The following ZC3H3 variants were observed in gnomAD, a reference collection of about 807,000 sequenced individuals.
The protein encoded by ZC3H3 is zinc finger CCCH domain-containing protein 3.
Under a neutral mutation model 77.3 loss-of-function variants are expected in ZC3H3, and 36 were observed. That is an observed-to-expected ratio of 0.47 (90% confidence interval 0.36 to 0.61). ZC3H3 has a LOEUF of 0.61. ZC3H3 is among the 20% of genes least tolerant of loss of function. The pLI is 0.00. For synonymous variants in ZC3H3, 626 were observed against 555.2 expected, an observed-to-expected ratio of 1.13 and a Z score of -1.79; for missense variants, 1,331 against 1,312.2, an observed-to-expected ratio of 1.01 and a Z score of -0.22.
chr8:143,482,383 G>C (rs1356152839), intron 4 of ZC3H3, among the ~76,000 whole-genome samples: 1 of 152,186 alleles, frequency 6.6e-6, no homozygotes, highest in South Asian at 2.1e-4. Flanking sequence ...CGGATGTGCC[G>C]GGCACGCAGG....
intron 9 of ZC3H3, among the ~76,000 whole-genome samples, chr8:143,457,002 T>C (rs1004804366): frequency 6.6e-6 from 1 of 152,212 alleles, no homozygotes; most frequent in Non-Finnish European, 1.5e-5. Context: ...TCCACAATTA[T>C]AGTTAGAGAC....
chr8:143,480,542 C>CA (rs1173179192), intron 4 of ZC3H3, among the ~76,000 whole-genome samples: 1 of 152,254 alleles, frequency 6.6e-6, no homozygotes, highest in Non-Finnish European at 1.5e-5. Context: ...AGTGGCCTCG[C>CA]AGTCAGGGCA....
intron 5 of ZC3H3, among the ~76,000 whole-genome samples, chr8:143,473,051 G>A (rs944149093): frequency 5.0e-4 from 76 of 152,234 alleles, no homozygotes; most frequent in Non-Finnish European, 1.3e-4. Flanking sequence ...CTGGCCGCCT[G>A]GGGCTCTCGC....
chr8:143,451,672 T>G (rs1050499027), intron 9 of ZC3H3, among the ~76,000 whole-genome samples: 1 of 151,132 alleles, frequency 6.6e-6, no homozygotes, highest in Non-Finnish European at 1.5e-5. Context: ...TAATCCCAGC[T>G]ACTTGGGAGG....
chr8:143,502,851 G>A (rs1238910377), intron 4 of ZC3H3, among the ~76,000 whole-genome samples: 2 of 152,130 alleles, frequency 1.3e-5, no homozygotes, highest in Non-Finnish European at 2.9e-5. Context: ...CTTCTGCCTC[G>A]CACCCCTGCA....
chr8:143,517,064 G>A (rs776608366), intron 3 of ZC3H3, among the ~76,000 whole-genome samples: 19 of 152,146 alleles, frequency 1.2e-4, no homozygotes, highest in Non-Finnish European at 2.5e-4. Context: ...CCGCTGCCGC[G>A]GACTGTCAGA....
At position 143,460,316 on chromosome 8, in the gene ZC3H3, A is replaced by G. The variant is rs1820229086; in HGVS notation, c.2307+5401T>C. On this transcript the variant is annotated intron_variant, in intron 9 of 11. Transcript: ENST00000262577. This position sits in a 1 kb window ranked among gnomAD's most constrained non-coding sequence, Gnocchi z 4.0. Reference sequence around the variant, plus strand: ...AAAGGCATCCCAATTGAAAAGGAAGAAGTAAAATTATCTGTTTGCTGATGA... The same window carrying G: ...AAAGGCATCCCAATTGAAAAGGAAGGAGTAAAATTATCTGTTTGCTGATGA... Among the ~76,000 whole-genome samples the G allele has an allele frequency of 6.6e-6, 1 of 152,068 alleles. No homozygotes were observed. The highest frequency in any genetic ancestry group is 1.5e-5 in the Non-Finnish European group (1 of 68,012).
At chr8:143,507,145 C>T (rs1464826015) in intron 4 of ZC3H3, among the ~76,000 whole-genome samples, 1 of 152,236 alleles carries the variant, frequency 6.6e-6, no homozygotes, top group East Asian at 1.9e-4. Flanking sequence ...GGCTGAGCAA[C>T]CTTGACTGAG....
In ZC3H3 at chr8:143,534,000, T is replaced by A. The variant is rs911457232; in HGVS notation, c.1561+2257A>T. Among the ~76,000 whole-genome samples, 7 of 151,838 alleles carry A rather than the reference T, an allele frequency of 4.6e-5. No individual in the cohort carries two copies. Among genetic ancestry groups the A allele is most frequent in the African/African-American group, 1.7e-4 (7 of 41,360 alleles). On this transcript the variant is annotated intron_variant, in intron 3 of 11. Coordinates refer to ENST00000262577, the MANE Select transcript of ZC3H3 (RefSeq NM_015117.3). The surrounding 1 kb of genome is among the most constrained non-coding windows in gnomAD (Gnocchi z 4.0). Reference sequence around the variant, plus strand: ...CTCACGTTGGTCTTTAACTATGAGTTTGGCTGGGCACAGTGGCTCACACCT... The same window carrying A: ...CTCACGTTGGTCTTTAACTATGAGTATGGCTGGGCACAGTGGCTCACACCT...
chr8:143,475,614 C>T (rs1362611644), intron 4 of ZC3H3, 29 bp from the exon 5 acceptor site: 1 of 1,551,904 alleles, frequency 6.4e-7, no homozygotes, highest in African/African-American at 1.4e-5. Flanking sequence ...CCCGTCAAAC[C>T]TGGCCCCAGG....
At chr8:143,465,650 C>T in intron 9 of ZC3H3, 67 bp downstream of exon 9, 2 of 1,594,680 alleles carry the variant, frequency 1.3e-6, no homozygotes, top group South Asian at 1.1e-5. Context: ...GGCAGGTACC[C>T]AGGAGTGAGC....
intron 11 of ZC3H3, among the ~76,000 whole-genome samples, chr8:143,439,371 G>C (rs1257966238): frequency 6.6e-6 from 1 of 152,220 alleles, no homozygotes; most frequent in African/African-American, 2.4e-5. Context: ...ACAATAAAAT[G>C]ATAGCCGTAT....
chr8:143,476,722 C>T (rs1242119261), intron 4 of ZC3H3, among the ~76,000 whole-genome samples: 1 of 152,274 alleles, frequency 6.6e-6, no homozygotes, highest in Admixed American at 6.5e-5. Context: ...AGCAAAGGGA[C>T]CAGTCAAGTG....
At chr8:143,523,633 G>A in intron 3 of ZC3H3, 2 of 765,380 alleles carry the variant, frequency 2.6e-6, no homozygotes, top group Non-Finnish European at 3.2e-6. Context: ...CATCCAGCTT[G>A]GGCAGGCAGA....
chr8:143,440,915 C>T, intron 10 of ZC3H3, 21 bp downstream of exon 10: 1 of 1,408,938 alleles, frequency 7.1e-7, no homozygotes, highest in South Asian at 1.7e-5. Flanking sequence ...CTCACATGCA[C>T]AGTGCCCACT....
chr8:143,476,281 G>A (rs375459046), intron 4 of ZC3H3, among the ~76,000 whole-genome samples: 69 of 152,286 alleles, frequency 4.5e-4, no homozygotes, highest in African/African-American at 1.6e-3. Flanking sequence ...CACAGACCCC[G>A]GGCCAGGCTG....
chr8:143,437,865 G>T lies in ZC3H3; in HGVS notation c.*191C>A. The T allele has an allele frequency of 1.3e-6, 1 of 746,800 alleles. No individual in the cohort carries two copies. Among genetic ancestry groups the T allele is most frequent in the Non-Finnish European group, 2.2e-6 (1 of 459,326 alleles). 46.3% of individuals were successfully genotyped at this position (746,800 alleles called of 1,614,324 possible). A position where few individuals can be genotyped will look rare whatever the true frequency, so the allele number is the denominator to read the frequency against. ...GTGGGGACAGGGGCCTGGCTTGGGG[G>T]AGGAAGACCAGGCCCTGCGCACACG... On this transcript the variant is annotated 3_prime_UTR_variant, in exon 12 of 12. Coordinates refer to ENST00000262577, the MANE Select transcript of ZC3H3 (RefSeq NM_015117.3).
intron 9 of ZC3H3, among the ~76,000 whole-genome samples, chr8:143,443,087 A>C (rs186701257): frequency 2.2e-3 from 334 of 152,228 alleles, no homozygotes; most frequent in Admixed American, 4.3e-3. Context: ...GGCCTGACCA[A>C]CATGGTGAAA....
Position 143,533,398 on chromosome 8 carries a change from C to A in ZC3H3, c.1561+2859G>T, listed in dbSNP as rs1244704789. 6.6e-6 allele frequency among the ~76,000 whole-genome samples: 1 copy of A among 152,182 alleles called. No individual in the cohort carries two copies. Among genetic ancestry groups the A allele is most frequent in the African/African-American group, 2.4e-5 (1 of 41,440 alleles). ...CCACCTCTCTGCAGCTGGCCCTGTG[C>A]TCTCCCCCTGCCTGTTCCTCAGAAG... On this transcript the variant is annotated intron_variant, in intron 3 of 11. Coordinates refer to ENST00000262577, the MANE Select transcript of ZC3H3 (RefSeq NM_015117.3). The surrounding 1 kb of genome is among the most constrained non-coding windows in gnomAD (Gnocchi z 4.0).
Sources: gnomAD v4.1 joint callset for allele counts (sites outside exome capture counted in the v4.1 genomes callset) on GRCh38, gnomAD v4.1.1 for gene constraint, Gnocchi (gnomAD v3.1) non-coding constraint, MANE v1.5 for transcripts, NCBI Gene and HGNC (gene_info 2026-07-23, HGNC 2026-07-21) for gene names.